Variants in EPHA10 observed in about 807,000 individuals in gnomAD.
EPHA10 encodes the protein EPH receptor A10.
In EPHA10, 120 loss-of-function variants were observed where a neutral mutation model predicts 109.7. The ratio of observed to expected loss-of-function variants is 1.09; its 90% CI spans 0.94 to 1.27. The LOEUF is 1.27. Among genes scored for constraint, EPHA10 ranks in the 50% most tolerant of loss-of-function variants. The pLI is 0.00. For synonymous variants in EPHA10, 640 were observed against 618.9 expected, an observed-to-expected ratio of 1.03 and a Z score of -0.51; for missense variants, 1,396 against 1,411.1, an observed-to-expected ratio of 0.99 and a Z score of 0.17.
chr1:37,759,760 C>T (rs746938569), intron 3 of EPHA10, among the ~76,000 whole-genome samples: 14 of 150,692 alleles, frequency 9.3e-5, no homozygotes, highest in South Asian at 2.1e-4. Flanking sequence ...AGCTGCTACA[C>T]GCAAGCCCAG....
chr1:37,761,731 G>A lies in EPHA10; in HGVS notation c.524C>T (p.Thr175Ile), dbSNP rs1467024250. Residue 175 changes from threonine to isoleucine, a missense_variant, in exon 3 of 17, where the codon ACA becomes ATA. Thr to Ile is a moderately conservative substitution (Grantham distance 89). Transcript: ENST00000373048. ...GAGCGGTCCGATCTCGCGCACCTCT[G>A]TGTTCAGCTTCATCTTGCGCTCACC... ...DLGERKMKLN[T>I]EVREIGPLSR... 13 of 1,613,694 alleles carry A rather than the reference G, an allele frequency of 8.1e-6. No individual in the cohort carries two copies. Among genetic ancestry groups the A allele is most frequent in the Admixed American group, 1.7e-5 (1 of 60,006 alleles).
intron 6 of EPHA10, among the ~76,000 whole-genome samples, chr1:37,734,886 T>A (rs1646043652): frequency 6.6e-6 from 1 of 152,204 alleles, no homozygotes; most frequent in Non-Finnish European, 1.5e-5. Context: ...GTCAGGCACT[T>A]TTGTAAAATT....
chr1:37,725,646 C>T (rs955606127), intron 8 of EPHA10, among the ~76,000 whole-genome samples: 3 of 152,014 alleles, frequency 2.0e-5, no homozygotes, highest in African/African-American at 7.2e-5. Flanking sequence ...TGTCTGGCAG[C>T]TACTGAAGTC....
chr1:37,759,128 G>T (rs1162419555), intron 3 of EPHA10, among the ~76,000 whole-genome samples: 1 of 151,936 alleles, frequency 6.6e-6, no homozygotes, highest in Non-Finnish European at 1.5e-5. Flanking sequence ...TCCTTTCTTT[G>T]CAATTGCAGC....
In EPHA10 at chr1:37,731,404, T is replaced by G. The variant is rs934213535; in HGVS notation, c.1663+7A>C. ...TAGGTCCCTGTCCACTCACACACAC[T>G]ACTTACCCTCCCCCAGGGTCTGTAC... On this transcript the variant is annotated splice_region_variant and intron_variant, in intron 7 of 16. Transcript: ENST00000373048. 6.3e-7 allele frequency: 1 copy of G among 1,596,260 alleles called. No homozygotes were observed. The highest frequency in any genetic ancestry group is 8.5e-7 in the Non-Finnish European group (1 of 1,170,028).
At chr1:37,746,134 C>T (rs1646239159) in intron 5 of EPHA10, among the ~76,000 whole-genome samples, 1 of 141,568 alleles carries the variant, frequency 7.1e-6, no homozygotes, top group Non-Finnish European at 1.5e-5. Context: ...GAGTTTCGCT[C>T]TTGTTGCCCA....
At chr1:37,719,104 G>A (rs1645742005) in intron 15 of EPHA10, 4 of 591,276 alleles carry the variant, frequency 6.8e-6, no homozygotes, top group Middle Eastern at 4.5e-4. Context: ...TGGGAACAAC[G>A]AATATTAATT....
chr1:37,721,800 C>T lies in EPHA10; in HGVS notation c.2006G>A (p.Arg669His), dbSNP rs372692877. ...LCCGCLQLPG[R>H]QELLVAVHML... ...ATGCACGGCTACGAGCAGCTCCTGG[C>T]GACCGGGGAGCTGCAAGCAGCCACA... The change falls in exon 11 of 17, where the codon CGC (arginine) becomes CAC (histidine). Residue 669 changes from arginine to histidine, a missense_variant. Physicochemically the swap from Arg to His is conservative, Grantham distance 29 (BLOSUM62 0). Transcript: ENST00000373048. 2.1e-5 allele frequency: 34 copies of T among 1,608,862 alleles called. No homozygotes were observed. Among genetic ancestry groups the T allele is most frequent in the African/African-American group, 4.0e-5 (3 of 74,718 alleles).
At chr1:37,719,678 A>G (rs1432447525) in intron 14 of EPHA10, 71 bp from the exon 15 acceptor site, 11 of 1,511,776 alleles carry the variant, frequency 7.3e-6, no homozygotes, top group African/African-American at 6.8e-5. Flanking sequence ...GCACACACAC[A>G]TGCACACACA....
chr1:37,719,677 C>T, intron 14 of EPHA10, 70 bp from the exon 15 acceptor site: 1 of 1,521,782 alleles, frequency 6.6e-7, no homozygotes, highest in Non-Finnish European at 9.0e-7. Context: ...TGCACACACA[C>T]ATGCACACAC....
chr1:37,735,294 G>A lies in EPHA10; in HGVS notation c.1454C>T (p.Ala485Val). 6.4e-7 allele frequency: 1 copy of A among 1,562,070 alleles called. No homozygotes were observed. The highest frequency in any genetic ancestry group is 1.9e-5 in the Admixed American group (1 of 51,950). ...TCGGATCTCGTACTCCGTGTCATTG[G>A]CCCCAGGGGCTCCGGCAGGGATGGG... ...REPIPAGAPG[A>V]NDTEYEIRYY... Residue 485 changes from alanine to valine, a missense_variant, in exon 6 of 17, where the codon GCC (alanine) becomes GTC (valine). By Grantham distance (64) the Ala-to-Val change is moderately conservative. Transcript: ENST00000373048.
At chr1:37,729,271 C>T (rs1221893728) in intron 7 of EPHA10, among the ~76,000 whole-genome samples, 1 of 152,176 alleles carries the variant, frequency 6.6e-6, no homozygotes, top group Non-Finnish European at 1.5e-5. Flanking sequence ...GGAAGAGACC[C>T]TAAGTCACTG....
intron 3 of EPHA10, chr1:37,760,424 C>G: frequency 9.5e-7 from 1 of 1,055,872 alleles, no homozygotes. Flanking sequence ...AAACCCTCAA[C>G]ATGAAGGATC....
rs1291747345 is a variant in EPHA10 at position 37,735,284 on chromosome 1, C to T, written c.1464G>A (p.Thr488=). 3 of 1,564,240 alleles carry T rather than the reference C, an allele frequency of 1.9e-6. No individual in the cohort carries two copies. The highest frequency in any genetic ancestry group is 2.6e-6 in the Non-Finnish European group (3 of 1,154,320). Reference sequence around the variant, plus strand: ...TCTCGTAGTATCGGATCTCGTACTCCGTGTCATTGGCCCCAGGGGCTCCGG... The same window carrying T: ...TCTCGTAGTATCGGATCTCGTACTCTGTGTCATTGGCCCCAGGGGCTCCGG... The part of the protein sequence containing the change: ...IPAGAPGAND[T]EYEIRYYEKG... The change falls in exon 6 of 17, where the codon ACG becomes ACA. Residue 488 remains threonine (T), a synonymous_variant. Coordinates refer to ENST00000373048, the MANE Select transcript of EPHA10 (RefSeq NM_001099439.2).
At chr1:37,743,069 A>T (rs954912527) in intron 5 of EPHA10, among the ~76,000 whole-genome samples, 9 of 152,052 alleles carry the variant, frequency 5.9e-5, no homozygotes, top group South Asian at 4.1e-4. Flanking sequence ...TGCAGCTGAA[A>T]ACCTCATAAC....
chr1:37,726,901 G>A (rs1557536143), intron 8 of EPHA10, among the ~76,000 whole-genome samples: 1 of 152,246 alleles, frequency 6.6e-6, no homozygotes, highest in Non-Finnish European at 1.5e-5. Flanking sequence ...GAGCAGCTGA[G>A]CTAGCTGCAG....
At chr1:37,761,038 C>A in intron 3 of EPHA10, 1 of 620,238 alleles carries the variant, frequency 1.6e-6, no homozygotes, top group Non-Finnish European at 2.1e-6. Flanking sequence ...TAGCCAAGAT[C>A]AAGCCAGTGC....
chr1:37,731,702 G>A (rs779367866), intron 6 of EPHA10, 120 bp from the exon 7 acceptor site: 21 of 1,105,696 alleles, frequency 1.9e-5, no homozygotes, highest in South Asian at 5.5e-5. Context: ...GGCTGAGTGC[G>A]AAAACCCAAC....
Position 37,720,299 on chromosome 1 carries a change from A to AC in EPHA10, c.2412+51_2412+52insG, listed in dbSNP as rs1324397619. ...AGTGGGGAGTTAAGGGCTCCAGGGC[A>AC]GCTTGGTGGGAACCAGAAGGCACAG... On this transcript the variant is annotated intron_variant, in intron 13 of 16. Coordinates refer to ENST00000373048, the MANE Select transcript of EPHA10 (RefSeq NM_001099439.2). 12 of 1,541,066 alleles carry AC rather than the reference A, an allele frequency of 7.8e-6. No homozygotes were observed. In the East Asian group the frequency reaches 2.6e-4, roughly 33 times the overall value.
Sources: gnomAD v4.1 joint callset for allele counts (sites outside exome capture counted in the v4.1 genomes callset) on GRCh38, gnomAD v4.1.1 for gene constraint, MANE v1.5 for transcripts, NCBI Gene and HGNC (gene_info 2026-07-23, HGNC 2026-07-21) for gene names.